PKNOX2: variants seen among roughly 807,000 people sequenced by gnomAD.
The protein encoded by PKNOX2 is homeobox protein PKNOX2.
Under a neutral mutation model 53.1 loss-of-function variants are expected in PKNOX2, and 14 were observed. That is an observed-to-expected ratio of 0.26 (90% CI 0.17 to 0.41). The LOEUF is 0.41. Ranked by LOEUF, PKNOX2 falls within the 10% of genes least tolerant of loss-of-function variation. PKNOX2 has a pLI of 1.00. For missense variants in PKNOX2, 496 were observed against 602.8 expected (o/e 0.82, Z 1.85); for synonymous variants, 257 against 242.8 (o/e 1.06, Z -0.54).
At chr11:125,214,639 G>T (rs1052491793) in intron 1 of PKNOX2, among the ~76,000 whole-genome samples, 1 of 152,070 alleles carries the variant, frequency 6.6e-6, no homozygotes, top group Admixed American at 6.5e-5. Flanking sequence ...CCTGCTGTCA[G>T]CACCCCCTAG....
At chr11:125,262,438 G>A (rs1846532204) in intron 2 of PKNOX2, among the ~76,000 whole-genome samples, 1 of 152,006 alleles carries the variant, frequency 6.6e-6, no homozygotes, top group African/African-American at 2.4e-5. Context: ...TCCCGTCGCA[G>A]ATTAGCCCAC....
intron 3 of PKNOX2, among the ~76,000 whole-genome samples, chr11:125,338,625 C>A (rs1296156964): frequency 6.6e-6 from 1 of 152,212 alleles, no homozygotes; most frequent in Non-Finnish European, 1.5e-5. Flanking sequence ...CACTTTGTTC[C>A]TTTTCCCTGG....
At chr11:125,384,424 G>A (rs896755266) in intron 5 of PKNOX2, among the ~76,000 whole-genome samples, 72 of 152,248 alleles carry the variant, frequency 4.7e-4, no homozygotes, top group Non-Finnish European at 7.6e-4. Flanking sequence ...GGTGGCTCAC[G>A]CCTGTAATCT....
intron 2 of PKNOX2, among the ~76,000 whole-genome samples, chr11:125,295,713 G>A (rs895786428): frequency 1.3e-5 from 2 of 152,164 alleles, no homozygotes; most frequent in South Asian, 2.1e-4. Flanking sequence ...GCAAGGAGGT[G>A]GCCTTCGAAG....
In PKNOX2 at chr11:125,219,796, G is replaced by A. The variant is rs551370685; in HGVS notation, c.-200-15249G>A. On this transcript the variant is annotated intron_variant, in intron 1 of 12. Coordinates refer to ENST00000298282, the MANE Select transcript of PKNOX2 (RefSeq NM_001382323.2). ...TGGCAAGGCCCTGGGGAAACAGACT[G>A]TCTCATGGTGTAAATCTGCACAACC... Among the ~76,000 whole-genome samples the A allele has an allele frequency of 5.9e-5, 9 of 152,284 alleles. No homozygotes were observed. In the South Asian group the frequency reaches 1.9e-3, roughly 32 times the overall value.
chr11:125,220,396 A>G (rs551042741), intron 1 of PKNOX2, among the ~76,000 whole-genome samples: 32 of 152,302 alleles, frequency 2.1e-4, no homozygotes, highest in African/African-American at 7.7e-4. Context: ...GCTCCGAATT[A>G]TAGAGTGGCA....
At chr11:125,202,108 C>T (rs1273522034) in intron 1 of PKNOX2, among the ~76,000 whole-genome samples, 2 of 152,238 alleles carry the variant, frequency 1.3e-5, no homozygotes, top group Non-Finnish European at 1.5e-5. Flanking sequence ...TTTAATTAAT[C>T]AGTTAGCTGA....
intron 2 of PKNOX2, among the ~76,000 whole-genome samples, chr11:125,243,976 G>T (rs1431932041): frequency 6.6e-6 from 1 of 152,154 alleles, no homozygotes; most frequent in African/African-American, 2.4e-5. Context: ...TGCCAGGGGA[G>T]GTACTGGGCT....
At chr11:125,189,447 GTATATATATATATATATATA>G (rs58968290) in intron 1 of PKNOX2, among the ~76,000 whole-genome samples, 89 of 23,470 alleles carry the variant, frequency 3.8e-3, no homozygotes, top group Middle Eastern at 0.024. Context: ...GTGTGTGTGT[GTATATATATATATATATATA>G]TATATATATA....
intron 5 of PKNOX2, among the ~76,000 whole-genome samples, chr11:125,373,265 T>C (rs1952649861): frequency 6.6e-6 from 1 of 152,176 alleles, no homozygotes; most frequent in African/African-American, 2.4e-5. Flanking sequence ...AGATAATAAA[T>C]GGCATACAGA....
chr11:125,428,920 C>A (rs1591570351), intron 10 of PKNOX2, 92 bp from the exon 11 acceptor site: 1 of 1,384,076 alleles, frequency 7.2e-7, no homozygotes, highest in Non-Finnish European at 1.0e-6. Flanking sequence ...GGCTGCCTGG[C>A]TCAGGATAGT....
chr11:125,175,667 G>T (rs1955660922), intron 1 of PKNOX2, among the ~76,000 whole-genome samples: 1 of 152,226 alleles, frequency 6.6e-6, no homozygotes, highest in Non-Finnish European at 1.5e-5. Context: ...ACCCAGCTAT[G>T]AGTGAGGCAG....
intron 1 of PKNOX2, among the ~76,000 whole-genome samples, chr11:125,182,468 T>A (rs1437372885): frequency 1.3e-5 from 2 of 152,234 alleles, no homozygotes; most frequent in Non-Finnish European, 2.9e-5. Flanking sequence ...CACCTTAACT[T>A]TGGCCAAATG....
intron 1 of PKNOX2, among the ~76,000 whole-genome samples, chr11:125,230,312 G>A (rs953767622): frequency 6.6e-6 from 1 of 152,214 alleles, no homozygotes; most frequent in African/African-American, 2.4e-5. Context: ...AGAGCCTGCT[G>A]GTCAGGGGCC....
At chr11:125,279,646 G>A (rs1274561026) in intron 2 of PKNOX2, among the ~76,000 whole-genome samples, 1 of 152,132 alleles carries the variant, frequency 6.6e-6, no homozygotes, top group African/African-American at 2.4e-5. Context: ...TGGAACGCAG[G>A]GGAGTCCTGG....
chr11:125,429,533 G>T (rs1361120871), intron 11 of PKNOX2, among the ~76,000 whole-genome samples: 2 of 152,166 alleles, frequency 1.3e-5, no homozygotes, highest in African/African-American at 4.8e-5. Flanking sequence ...ACCCCACAGG[G>T]ATCTCAGCTT....
At chr11:125,355,505 G>A (rs888415946) in intron 4 of PKNOX2, among the ~76,000 whole-genome samples, 1 of 152,146 alleles carries the variant, frequency 6.6e-6, no homozygotes. Flanking sequence ...CACTGGGGTA[G>A]TGGAATTCTA....
intron 2 of PKNOX2, among the ~76,000 whole-genome samples, chr11:125,315,775 C>G (rs1949146760): frequency 6.6e-6 from 1 of 152,298 alleles, no homozygotes; most frequent in South Asian, 2.1e-4. Context: ...CTGACTCTTT[C>G]TGCACACCCG....
intron 2 of PKNOX2, among the ~76,000 whole-genome samples, chr11:125,272,711 C>A (rs982521857): frequency 6.6e-6 from 1 of 152,162 alleles, no homozygotes; most frequent in Admixed American, 6.5e-5. Flanking sequence ...GAGGAACAGC[C>A]GCCTTCTTTG....
Sources: allele counts gnomAD v4.1 joint callset (sites outside exome capture counted in the v4.1 genomes callset), GRCh38; gene constraint gnomAD v4.1.1; transcripts MANE v1.5; gene names NCBI Gene and HGNC (gene_info 2026-07-23, HGNC 2026-07-21).